Variants in SPON1 observed in about 807,000 individuals in gnomAD.
SPON1 encodes the protein spondin 1.
Under a neutral mutation model 111.7 loss-of-function variants are expected in SPON1, and 52 were observed. That is an observed-to-expected ratio of 0.47 (90% CI 0.37 to 0.59). SPON1 has a LOEUF of 0.59. Among genes scored for constraint, SPON1 ranks in the 20% least tolerant of loss-of-function variants. SPON1 has a pLI of 0.00. For missense variants in SPON1, 957 were observed against 1,068.5 expected, an observed-to-expected ratio of 0.90 and a Z score of 1.46; for synonymous variants, 410 against 395.8, an observed-to-expected ratio of 1.04 and a Z score of -0.43.
intron 3 of SPON1, among the ~76,000 whole-genome samples, chr11:14,047,562 A>G (rs1848677560): frequency 1.3e-5 from 2 of 152,184 alleles, no homozygotes; most frequent in Admixed American, 1.3e-4. Context: ...GACAGATATT[A>G]ATGGGGGACA....
At chr11:14,002,572 T>C (rs57186251) in intron 2 of SPON1, among the ~76,000 whole-genome samples, 2,775 of 152,200 alleles carry the variant, frequency 0.018, 86 homozygotes, top group African/African-American at 0.063. Context: ...CCATGAGAGA[T>C]GGATGGAAGG....
intron 5 of SPON1, among the ~76,000 whole-genome samples, chr11:14,121,210 T>C (rs1554926475): frequency 1.3e-5 from 2 of 152,332 alleles, no homozygotes; most frequent in South Asian, 2.1e-4. Context: ...AATACAACTA[T>C]TCATTATCTT....
chr11:13,983,825 T>C (rs1355199300), intron 2 of SPON1, among the ~76,000 whole-genome samples: 1 of 152,196 alleles, frequency 6.6e-6, no homozygotes, highest in African/African-American at 2.4e-5. Flanking sequence ...AGAAAAAAAC[T>C]CAGAGAATAC....
chr11:14,004,607 T>C (rs1052469683), intron 2 of SPON1, among the ~76,000 whole-genome samples: 1 of 152,220 alleles, frequency 6.6e-6, no homozygotes, highest in Non-Finnish European at 1.5e-5. Flanking sequence ...CCTTTTCATA[T>C]ACCTGTTGGC....
chr11:14,160,458 T>TATATATATTTAC (rs1847902937), intron 6 of SPON1, among the ~76,000 whole-genome samples: 3 of 14,096 alleles, frequency 2.1e-4, no homozygotes, highest in African/African-American at 5.8e-4. Context: ...TATATATTTA[T>TATATATATTTAC]ATATATATAT....
chr11:14,145,585 AACC>A (rs1300009964), intron 6 of SPON1, among the ~76,000 whole-genome samples: 5 of 152,190 alleles, frequency 3.3e-5, no homozygotes, highest in African/African-American at 4.8e-5. Context: ...TTACCATCTG[AACC>A]ATTTTTAAGT....
chr11:13,976,479 A>T (rs561271595), intron 1 of SPON1, among the ~76,000 whole-genome samples: 4 of 152,316 alleles, frequency 2.6e-5, no homozygotes, highest in African/African-American at 9.6e-5. Flanking sequence ...ATCACCAGTG[A>T]TAATTATGGA....
chr11:14,129,214 C>T (rs1320001565), intron 5 of SPON1, among the ~76,000 whole-genome samples: 1 of 152,044 alleles, frequency 6.6e-6, no homozygotes, highest in African/African-American at 2.4e-5. Flanking sequence ...ATTTTCCAAA[C>T]TTTTATGCCC....
intron 11 of SPON1, among the ~76,000 whole-genome samples, chr11:14,258,399 TTAAGTA>T (rs1564943320): frequency 6.6e-6 from 1 of 152,200 alleles, no homozygotes; most frequent in East Asian, 1.9e-4. Context: ...AGGTCAGCCT[TTAAGTA>T]TAATCTTGCA....
At chr11:14,004,321 A>C (rs1848342746) in intron 2 of SPON1, among the ~76,000 whole-genome samples, 1 of 152,186 alleles carries the variant, frequency 6.6e-6, no homozygotes, top group South Asian at 2.1e-4. Context: ...TGTCTTTATG[A>C]GGTAGTGAGT....
At chr11:14,053,225 C>T (rs1404459930) in intron 3 of SPON1, among the ~76,000 whole-genome samples, 1 of 152,120 alleles carries the variant, frequency 6.6e-6, no homozygotes, top group African/African-American at 2.4e-5. Context: ...GTGCAACCAC[C>T]ATCTCTACCT....
At chr11:14,108,877 AC>A (rs1554925156) in intron 5 of SPON1, among the ~76,000 whole-genome samples, 1 of 151,566 alleles carries the variant, frequency 6.6e-6, no homozygotes, top group African/African-American at 2.4e-5. Context: ...CTACCACCCA[AC>A]CCCCAGGAGC....
rs1554942414 is a variant in SPON1 at position 14,265,631 on chromosome 11, T to C, written c.2368T>C (p.Phe790Leu). The C allele has an allele frequency of 8.7e-6, 14 of 1,613,714 alleles. No individual in the cohort carries two copies. The highest frequency in any genetic ancestry group is 1.0e-5 in the Non-Finnish European group (12 of 1,179,818). ...AAAGAAGAGATTCAAAAGCTCCCAG[T>C]TTACCAGCTGCAAAGACAAGAAGGA... is the stretch of plus-strand genomic sequence containing the variant. ...TVKKRFKSSQ[F>L]TSCKDKKEIR... is the part of the protein sequence containing the mutation. Residue 790 changes from phenylalanine to leucine, a missense_variant, in exon 16 of 16, where the codon TTT becomes CTT. By Grantham distance (22) the Phe-to-Leu change is conservative. This residue lies in a region of SPON1 where 549 missense variants were observed against 606.2 expected (regional missense o/e 0.91). Coordinates refer to ENST00000576479, the MANE Select transcript of SPON1 (RefSeq NM_006108.4).
intron 6 of SPON1, among the ~76,000 whole-genome samples, chr11:14,238,920 G>T (rs1284994526): frequency 2.0e-5 from 3 of 152,172 alleles, no homozygotes; most frequent in East Asian, 3.9e-4. Context: ...GTTTGAAAAG[G>T]GTCCTGTGGG....
chr11:14,231,425 A>T (rs1045974882), intron 6 of SPON1, among the ~76,000 whole-genome samples: 13 of 152,126 alleles, frequency 8.5e-5, no homozygotes, highest in South Asian at 8.3e-4. Context: ...AAGCCACCAC[A>T]CCTGGCCCCA....
intron 6 of SPON1, among the ~76,000 whole-genome samples, chr11:14,205,299 T>C (rs1279373507): frequency 6.6e-6 from 1 of 152,208 alleles, no homozygotes; most frequent in Non-Finnish European, 1.5e-5. Context: ...GTCTGCACAC[T>C]CATAGAATAT....
At chr11:14,119,698 C>A (rs1347815613) in intron 5 of SPON1, among the ~76,000 whole-genome samples, 1 of 152,162 alleles carries the variant, frequency 6.6e-6, no homozygotes, top group Non-Finnish European at 1.5e-5. Context: ...ACTCCTCCTG[C>A]AAGCTGTCTA....
Position 14,060,172 on chromosome 11 carries a change from T to C in SPON1, c.480-15173T>C, listed in dbSNP as rs143691971. Among the ~76,000 whole-genome samples the C allele has an allele frequency of 9.2e-5, 14 of 152,328 alleles. No individual in the cohort carries two copies. In the East Asian group the frequency reaches 2.7e-3, roughly 29 times the overall value. ...ATTGAAGCTCAGAGAGGTAATGTGATTTGAATTGGATCACACAGACCCTGA... is the reference window on the plus strand; with the variant it reads ...ATTGAAGCTCAGAGAGGTAATGTGACTTGAATTGGATCACACAGACCCTGA... On this transcript the variant is annotated intron_variant, in intron 3 of 15. Coordinates refer to ENST00000576479, the MANE Select transcript of SPON1 (RefSeq NM_006108.4).
At chr11:14,113,805 T>G (rs970997149) in intron 5 of SPON1, among the ~76,000 whole-genome samples, 1 of 151,682 alleles carries the variant, frequency 6.6e-6, no homozygotes, top group African/African-American at 2.4e-5. Flanking sequence ...GGGGTTTCAC[T>G]GTGTTAGCCA....
Sources: gnomAD v4.1 joint callset for allele counts (sites outside exome capture counted in the v4.1 genomes callset) on GRCh38, gnomAD v4.1.1 for gene constraint, gnomAD v4.1.1 regional missense constraint, MANE v1.5 for transcripts, NCBI Gene and HGNC (gene_info 2026-07-23, HGNC 2026-07-21) for gene names.